The following CNTN5 variants were observed in gnomAD, a reference collection of about 807,000 sequenced individuals.
CNTN5 encodes the protein contactin-5.
CNTN5 carries 77 observed loss-of-function variants against 129.1 expected under a neutral mutation model. The ratio of observed to expected loss-of-function variants is 0.60; its 90% confidence interval spans 0.50 to 0.72. The LOEUF (loss-of-function observed/expected upper bound fraction) is 0.72, where lower values mean the gene tolerates loss of function less well. Ranked by LOEUF, CNTN5 falls within the 30% of genes least tolerant of loss-of-function variation. CNTN5 has a pLI of 0.00. For synonymous variants in CNTN5, 509 were observed against 465.6 expected (o/e 1.09, Z -1.20); for missense variants, 1,478 against 1,328.8 (o/e 1.11, Z -1.75).
intron 8 of CNTN5, among the ~76,000 whole-genome samples, chr11:99,987,526 T>TATATATAC (rs1185973164): frequency 3.8e-5 from 2 of 52,156 alleles, no homozygotes; most frequent in East Asian, 3.3e-4. Context: ...TATTTATGAA[T>TATATATAC]ATATATATAT....
chr11:99,845,071 C>A lies in CNTN5; in HGVS notation c.402-16C>A. On this transcript the variant is annotated splice_polypyrimidine_tract_variant and intron_variant, in intron 5 of 24. Coordinates refer to ENST00000524871, the MANE Select transcript of CNTN5 (RefSeq NM_014361.4). ...AGGGAGGATTATACATATTTGTCTT[C>A]TGATTTTTTCCTAAGATGGCTTCGA... is the stretch of plus-strand genomic sequence containing the variant. 6.2e-6 allele frequency: 10 copies of A among 1,612,282 alleles called. No individual in the cohort carries two copies. Among genetic ancestry groups the A allele is most frequent in the Non-Finnish European group, 8.5e-6 (10 of 1,179,006 alleles).
At chr11:99,836,797 AG>A in intron 4 of CNTN5, among the ~76,000 whole-genome samples, 1 of 152,290 alleles carries the variant, frequency 6.6e-6, no homozygotes, top group African/African-American at 2.4e-5. Context: ...CATCCTCTCC[AG>A]CACCTGTTGT....
At position 100,295,524 on chromosome 11, in the gene CNTN5, A is replaced by G. The variant is rs1018079153; in HGVS notation, c.2315-2101A>G. Among the ~76,000 whole-genome samples the G allele has an allele frequency of 2.6e-5, 4 of 151,612 alleles. No individual in the cohort carries two copies. In the East Asian group the frequency reaches 7.8e-4, roughly 29 times the overall value. ...TGTTTTTTTAAAAATAAAAGTATCA[A>G]TGGATGTGAAACAATACTACCAAAG... On this transcript the variant is annotated intron_variant, in intron 18 of 24. Coordinates refer to ENST00000524871, the MANE Select transcript of CNTN5 (RefSeq NM_014361.4).
At chr11:100,048,118 G>A (rs769714700) in intron 9 of CNTN5, among the ~76,000 whole-genome samples, 9 of 152,056 alleles carry the variant, frequency 5.9e-5, no homozygotes, top group African/African-American at 1.4e-4. Context: ...GTGACAGAGC[G>A]AGACTCCATC....
At chr11:99,928,590 C>T (rs1325911353) in intron 7 of CNTN5, among the ~76,000 whole-genome samples, 1 of 152,204 alleles carries the variant, frequency 6.6e-6, no homozygotes, top group Non-Finnish European at 1.5e-5. Flanking sequence ...TGAACTTTAC[C>T]TTGGCCCCTT....
chr11:99,779,552 T>C (rs911514183), intron 3 of CNTN5, among the ~76,000 whole-genome samples: 6 of 152,028 alleles, frequency 3.9e-5, no homozygotes, highest in Non-Finnish European at 8.8e-5. Context: ...AGCTGAGGTT[T>C]CTTACTTGTT....
intron 2 of CNTN5, among the ~76,000 whole-genome samples, chr11:99,456,606 A>T (rs561768200): frequency 1.3e-5 from 2 of 152,198 alleles, no homozygotes; most frequent in African/African-American, 4.8e-5. Flanking sequence ...TCTCAAAAAA[A>T]CTGTAGACTT....
rs566846889 is a variant in CNTN5, at chr11:99,082,854, A to G, written c.-210+61584A>G. On this transcript the variant is annotated intron_variant, in intron 1 of 24. Transcript: ENST00000524871. The stretch of plus-strand genomic sequence containing the variant: ...ACACAACAAGGAAAAACATAGCTAC[A>G]TTATGACTTGGTATTTGTATGATTT... Among the ~76,000 whole-genome samples the G allele has an allele frequency of 4.6e-5, 7 of 152,316 alleles. No homozygotes were observed. The South Asian group carries it at 1.4e-3, about 32-fold the overall frequency.
chr11:99,566,831 T>A (rs1949021181), intron 3 of CNTN5, among the ~76,000 whole-genome samples: 1 of 152,216 alleles, frequency 6.6e-6, no homozygotes, highest in African/African-American at 2.4e-5. Flanking sequence ...TATTAATTCA[T>A]TAACATTCTA....
rs528093000 is a variant in CNTN5, at chr11:100,193,343, A to T, written c.1709-145A>T. On this transcript the variant is annotated intron_variant, in intron 14 of 24. Transcript: ENST00000524871. ...TAATATGCCCTAGCATCCAAAAGCTAATAAAGATGTAAAAAAGCTGGTATA... is the reference window on the plus strand; with the variant it reads ...TAATATGCCCTAGCATCCAAAAGCTTATAAAGATGTAAAAAAGCTGGTATA... The T allele has an allele frequency of 2.6e-5, 13 of 507,402 alleles. 1 individual carries two copies. In the South Asian group the frequency reaches 4.2e-4, roughly 17 times the overall value. The allele number at this position is 507,402 out of a possible 1,614,324, so 31.4% of individuals were successfully genotyped here. A position where few individuals can be genotyped will look rare whatever the true frequency, so the allele number is the denominator to read the frequency against.
intron 1 of CNTN5, among the ~76,000 whole-genome samples, chr11:99,272,633 C>T (rs1471201335): frequency 6.6e-6 from 1 of 151,648 alleles, no homozygotes; most frequent in African/African-American, 2.4e-5. Flanking sequence ...TATCCTGTTA[C>T]ATAACATGGG....
At chr11:99,904,436 C>A (rs553372913) in intron 6 of CNTN5, among the ~76,000 whole-genome samples, 3 of 152,116 alleles carry the variant, frequency 2.0e-5, no homozygotes, top group Non-Finnish European at 4.4e-5. Flanking sequence ...GTGATGGTTT[C>A]CAGCTTCATC....
intron 1 of CNTN5, among the ~76,000 whole-genome samples, chr11:99,045,712 G>A (rs191054694): frequency 3.5e-4 from 54 of 152,160 alleles, no homozygotes; most frequent in African/African-American, 1.3e-3. Context: ...TAAGCATCGG[G>A]GTGTTCAATA....
At chr11:100,199,680 A>G (rs1203366566) in intron 15 of CNTN5, among the ~76,000 whole-genome samples, 3 of 151,900 alleles carry the variant, frequency 2.0e-5, no homozygotes, top group Non-Finnish European at 1.5e-5. Context: ...AGTAGAAATC[A>G]TTCCGAAAGC....
At chr11:99,081,380 T>G (rs1208125919) in intron 1 of CNTN5, among the ~76,000 whole-genome samples, 1 of 152,202 alleles carries the variant, frequency 6.6e-6, no homozygotes, top group African/African-American at 2.4e-5. Context: ...GTAGAAAACA[T>G]TTCTCAATTT....
intron 2 of CNTN5, among the ~76,000 whole-genome samples, chr11:99,534,837 C>T (rs773528257): frequency 1.8e-4 from 27 of 152,086 alleles, no homozygotes; most frequent in Non-Finnish European, 2.5e-4. Context: ...GAACTTTTGT[C>T]TGGTAGTGAT....
intron 4 of CNTN5, among the ~76,000 whole-genome samples, chr11:99,832,806 C>T (rs1947185562): frequency 6.6e-6 from 1 of 152,100 alleles, no homozygotes; most frequent in African/African-American, 2.4e-5. Context: ...TGATAGGCTG[C>T]TATTTCCTTT....
intron 2 of CNTN5, among the ~76,000 whole-genome samples, chr11:99,417,917 G>A (rs1942730495): frequency 6.6e-6 from 1 of 152,120 alleles, no homozygotes; most frequent in Non-Finnish European, 1.5e-5. Flanking sequence ...CATTAGAAAA[G>A]TTTCATGTTT....
At chr11:100,312,758 G>A (rs1339443195) in intron 21 of CNTN5, among the ~76,000 whole-genome samples, 6 of 151,940 alleles carry the variant, frequency 3.9e-5, no homozygotes, top group Admixed American at 6.6e-5. Context: ...ATCTAAAACA[G>A]CAAGCTACTA....
Sources: allele counts gnomAD v4.1 joint callset (sites outside exome capture counted in the v4.1 genomes callset), GRCh38; gene constraint gnomAD v4.1.1; transcripts MANE v1.5; gene names NCBI Gene and HGNC (gene_info 2026-07-23, HGNC 2026-07-21).